The following AGK variants were observed in gnomAD, a reference collection of about 807,000 sequenced individuals.
AGK encodes the protein acylglycerol kinase, mitochondrial.
A neutral mutation model predicts 66.4 loss-of-function variants in AGK; 52 were observed. The observed-to-expected ratio is 0.78, with a 90% confidence interval of 0.63 to 0.99. AGK has a LOEUF of 0.99. AGK is among the 50% of genes least tolerant of loss of function. The pLI is 0.00. For missense variants in AGK, 451 were observed against 506.6 expected, an observed-to-expected ratio of 0.89 and a Z score of 1.05; for synonymous variants, 182 against 181.1, an observed-to-expected ratio of 1.00 and a Z score of -0.04.
chr7:141,555,498 A>G lies in AGK; in HGVS notation c.32A>G (p.His11Arg). Residue 11 changes from histidine (H) to arginine (R), a missense_variant, in exon 2 of 16, where the codon CAC (histidine) becomes CGC (arginine). Coordinates refer to ENST00000649286, the MANE Select transcript of AGK (RefSeq NM_018238.4). The surrounding 1 kb of genome is among the most constrained non-coding windows in gnomAD (Gnocchi z 4.2). MTVFFKTLRN[H>R]WKKTTAGLCL... ...GTGTTCTTTAAAACGCTTCGAAATC[A>G]CTGGAAGAAAACTACAGCTGGGCTC... The G allele has an allele frequency of 1.2e-6, 2 of 1,614,132 alleles. No homozygotes were observed. Among genetic ancestry groups the G allele is most frequent in the Non-Finnish European group, 1.7e-6 (2 of 1,180,000 alleles).
At chr7:141,568,388 G>T (rs1795512918) in intron 2 of AGK, among the ~76,000 whole-genome samples, 2 of 152,260 alleles carry the variant, frequency 1.3e-5, no homozygotes, top group South Asian at 2.1e-4. Flanking sequence ...GTCTCCGCAT[G>T]ATTTTGGCTG....
intron 5 of AGK, among the ~76,000 whole-genome samples, chr7:141,604,602 T>C (rs1796417407): frequency 4.1e-5 from 6 of 146,108 alleles, no homozygotes; most frequent in Non-Finnish European, 1.5e-5. Flanking sequence ...TTTTTTTTTT[T>C]GAGACAGAGT....
chr7:141,588,462 A>G (rs1051645847), intron 2 of AGK, among the ~76,000 whole-genome samples: 2 of 152,062 alleles, frequency 1.3e-5, no homozygotes, highest in African/African-American at 4.8e-5. Context: ...AAACCAATAC[A>G]AAAATTAGCT....
intron 8 of AGK, 123 bp from the exon 9 acceptor site, chr7:141,621,609 G>A: frequency 5.9e-6 from 4 of 680,740 alleles, no homozygotes; most frequent in Admixed American, 2.5e-5. Context: ...AGAGAGAGAG[G>A]GAGAGAGAGA....
At position 141,562,357 on chromosome 7, in the gene AGK, C is replaced by G. The variant is rs149994045; in HGVS notation, c.101+6790C>G. Reference sequence around the variant, plus strand: ...GTAGTAATAGTGGGATTTGAACTTGCCATAAGTTGGGGCAAGTATTCTGGT... The same window carrying G: ...GTAGTAATAGTGGGATTTGAACTTGGCATAAGTTGGGGCAAGTATTCTGGT... On this transcript the variant is annotated intron_variant, in intron 2 of 15. Coordinates refer to ENST00000649286, the MANE Select transcript of AGK (RefSeq NM_018238.4). Among the ~76,000 whole-genome samples, 19 of 152,266 alleles carry G rather than the reference C, an allele frequency of 1.2e-4. No individual in the cohort carries two copies. In the East Asian group the frequency reaches 2.9e-3, roughly 23 times the overall value.
At chr7:141,615,592 AT>A (rs776704143) in intron 8 of AGK, 27 bp downstream of exon 8, 4 of 1,568,228 alleles carry the variant, frequency 2.6e-6, no homozygotes, top group Non-Finnish European at 3.5e-6. Context: ...GGGAATTAGC[AT>A]TTGTGGGTGA....
intron 2 of AGK, among the ~76,000 whole-genome samples, chr7:141,581,538 T>C (rs1338370736): frequency 6.6e-6 from 1 of 151,914 alleles, no homozygotes; most frequent in African/African-American, 2.4e-5. Flanking sequence ...ATAACAGGCT[T>C]TAATCCTTTT....
At position 141,555,983 on chromosome 7, in the gene AGK, T is replaced by C. The variant is rs1795202952; in HGVS notation, c.101+416T>C. ...AGCCTCAGGAAGTTCTGATGACACG[T>C]GCCCAAGGTGGTCTGAGCGCAGCTT... On this transcript the variant is annotated intron_variant, in intron 2 of 15. Transcript: ENST00000649286. This position sits in a 1 kb window ranked among gnomAD's most constrained non-coding sequence, Gnocchi z 4.2. 6.6e-6 allele frequency among the ~76,000 whole-genome samples: 1 copy of C among 152,232 alleles called. No homozygotes were observed. Among genetic ancestry groups the C allele is most frequent in the African/African-American group, 2.4e-5 (1 of 41,464 alleles).
At chr7:141,618,366 C>T (rs1796750908) in intron 8 of AGK, among the ~76,000 whole-genome samples, 1 of 152,126 alleles carries the variant, frequency 6.6e-6, no homozygotes, top group Admixed American at 6.5e-5. Flanking sequence ...TCTCTCTGAA[C>T]CTCAATTTCT....
intron 9 of AGK, among the ~76,000 whole-genome samples, chr7:141,630,072 A>G (rs1005654994): frequency 1.3e-4 from 20 of 152,210 alleles, no homozygotes; most frequent in Non-Finnish European, 1.5e-5. Flanking sequence ...GTATTTTCCA[A>G]TTTATTTCAC....
At position 141,552,314 on chromosome 7, in the gene AGK, C is replaced by T. The variant is rs566685393; in HGVS notation, c.-15+880C>T. 6.6e-5 allele frequency among the ~76,000 whole-genome samples: 10 copies of T among 152,296 alleles called. 1 individual carries two copies. In the South Asian group the frequency reaches 2.1e-3, roughly 32 times the overall value. On this transcript the variant is annotated intron_variant, in intron 1 of 15. Coordinates refer to ENST00000649286, the MANE Select transcript of AGK (RefSeq NM_018238.4). ...AAGCCCATTAAAGGTTTTTCATTGT[C>T]TTCAAAATAATAGCCAAAGTCCTTA... is the stretch of plus-strand genomic sequence containing the variant.
chr7:141,600,690 T>C (rs1373349714), intron 4 of AGK, among the ~76,000 whole-genome samples: 1 of 152,178 alleles, frequency 6.6e-6, no homozygotes, highest in Non-Finnish European at 1.5e-5. Context: ...CTAATCACCA[T>C]ACAGTATGAA....
At chr7:141,551,649 G>A (rs1795087614) in intron 1 of AGK, among the ~76,000 whole-genome samples, 1 of 152,194 alleles carries the variant, frequency 6.6e-6, no homozygotes. Flanking sequence ...CGGCGCGGCA[G>A]GGGAGGGCCT....
At chr7:141,607,817 T>C (rs13239889) in intron 5 of AGK, among the ~76,000 whole-genome samples, 4,581 of 152,192 alleles carry the variant, frequency 0.03, 112 homozygotes, top group South Asian at 0.14. Context: ...GTCTAGATTT[T>C]TTTTCTGGGA....
chr7:141,594,386 G>A (rs1431371280), intron 3 of AGK, among the ~76,000 whole-genome samples: 1 of 151,948 alleles, frequency 6.6e-6, no homozygotes, highest in Admixed American at 6.6e-5. Context: ...GTAGAGATAG[G>A]GGTTCTCCAT....
chr7:141,570,584 A>C (rs1795580160), intron 2 of AGK, among the ~76,000 whole-genome samples: 1 of 152,124 alleles, frequency 6.6e-6, no homozygotes, highest in South Asian at 2.1e-4. Flanking sequence ...GAGCTATAGC[A>C]GATATCAATA....
intron 2 of AGK, among the ~76,000 whole-genome samples, chr7:141,590,584 T>C (rs958551945): frequency 6.6e-6 from 1 of 152,146 alleles, no homozygotes; most frequent in African/African-American, 2.4e-5. Context: ...TCATATTATT[T>C]TGTTATCCAG....
Position 141,652,979 on chromosome 7 carries a change from A to C in AGK, c.*55A>C. The C allele has an allele frequency of 6.2e-7, 1 of 1,602,776 alleles. No homozygotes were observed. Among genetic ancestry groups the C allele is most frequent in the South Asian group, 1.1e-5 (1 of 90,354 alleles). Reference sequence around the variant, plus strand: ...ACTTTAGGCCACCGGTGGGACCAAAAGGGAACAGGTGCCTCAGCCATCCCA... The same window carrying C: ...ACTTTAGGCCACCGGTGGGACCAAACGGGAACAGGTGCCTCAGCCATCCCA... On this transcript the variant is annotated 3_prime_UTR_variant, in exon 16 of 16. Coordinates refer to ENST00000649286, the MANE Select transcript of AGK (RefSeq NM_018238.4).
rs577281228 is a variant in AGK, at chr7:141,591,217, C to T, written c.102-1929C>T. Among the ~76,000 whole-genome samples the T allele has an allele frequency of 1.5e-3, 225 of 151,170 alleles. 1 individual carries two copies. The highest frequency in any genetic ancestry group is 5.1e-3 in the African/African-American group (209 of 41,136). On this transcript the variant is annotated intron_variant, in intron 2 of 15. Coordinates refer to ENST00000649286, the MANE Select transcript of AGK (RefSeq NM_018238.4). ...AGGCAATTCTCCTGCCTCAGCCTCC[C>T]GAGTAGTTGGGATTACAGGCATGCA...
Sources: gnomAD v4.1 joint callset for allele counts (sites outside exome capture counted in the v4.1 genomes callset) on GRCh38, gnomAD v4.1.1 for gene constraint, Gnocchi (gnomAD v3.1) non-coding constraint, MANE v1.5 for transcripts, NCBI Gene and HGNC (gene_info 2026-07-23, HGNC 2026-07-21) for gene names.